Variants in SLC4A5 observed in about 807,000 individuals in gnomAD.
The protein encoded by SLC4A5 is electrogenic sodium bicarbonate cotransporter 4.
In SLC4A5, 96 loss-of-function variants were observed where a neutral mutation model predicts 120.4. The ratio of observed to expected loss-of-function variants is 0.80; its 90% CI spans 0.68 to 0.94. The LOEUF is 0.94. Among genes scored for constraint, SLC4A5 ranks in the 40% least tolerant of loss-of-function variants. SLC4A5 has a pLI of 0.00. For synonymous variants in SLC4A5, 550 were observed against 571.1 expected, an observed-to-expected ratio of 0.96 and a Z score of 0.53; for missense variants, 1,259 against 1,459.5, an observed-to-expected ratio of 0.86 and a Z score of 2.24.
At chr2:74,261,357 G>A (rs1398310729) in intron 11 of SLC4A5, among the ~76,000 whole-genome samples, 1 of 152,198 alleles carries the variant, frequency 6.6e-6, no homozygotes, top group Non-Finnish European at 1.5e-5. Context: ...TGGGTCATCA[G>A]GACAGAGAGA....
chr2:74,254,470 C>T (rs1670895148), intron 14 of SLC4A5, 149 bp downstream of exon 14: 1 of 683,164 alleles, frequency 1.5e-6, no homozygotes, highest in Non-Finnish European at 2.6e-6. Flanking sequence ...TGACTATTCC[C>T]TGATTCTCAT....
At chr2:74,307,308 A>G in intron 6 of SLC4A5, 1 of 544,228 alleles carries the variant, frequency 1.8e-6, no homozygotes. Flanking sequence ...GGGGACATGT[A>G]CCTCCATGGT....
chr2:74,315,059 A>G, intron 5 of SLC4A5, 34 bp from the exon 6 acceptor site: 1 of 1,539,950 alleles, frequency 6.5e-7, no homozygotes, highest in South Asian at 1.1e-5. Context: ...CTCAAAATGT[A>G]TACATTAAAA....
chr2:74,324,986 G>C (rs1444483774), intron 5 of SLC4A5, among the ~76,000 whole-genome samples: 1 of 152,190 alleles, frequency 6.6e-6, no homozygotes, highest in African/African-American at 2.4e-5. Context: ...TAGAGAAACA[G>C]AGTCCAGATA....
At chr2:74,301,201 T>TA (rs1429176627) in intron 7 of SLC4A5, among the ~76,000 whole-genome samples, 3 of 152,214 alleles carry the variant, frequency 2.0e-5, no homozygotes, top group Non-Finnish European at 4.4e-5. Context: ...ACTTTATAGT[T>TA]ATGATTATTA....
chr2:74,265,101 C>T lies in SLC4A5; in HGVS notation c.562+3G>A. 6.2e-7 allele frequency: 1 copy of T among 1,611,928 alleles called. No homozygotes were observed. Among genetic ancestry groups the T allele is most frequent in the Non-Finnish European group, 8.5e-7 (1 of 1,178,540 alleles). On this transcript the variant is annotated splice_donor_region_variant and intron_variant, in intron 9 of 30. Coordinates refer to ENST00000394019, the Ensembl canonical transcript of SLC4A5. ...GAGATGCACACAGTGGCCCCTGCCT[C>T]ACCTATGATCTGTGGTAAGGAGCCA... is the stretch of plus-strand genomic sequence containing the variant.
At chr2:74,233,012 C>T (rs1179872196) in intron 23 of SLC4A5, among the ~76,000 whole-genome samples, 1 of 152,138 alleles carries the variant, frequency 6.6e-6, no homozygotes, top group Non-Finnish European at 1.5e-5. Context: ...GGGGGTGACC[C>T]GAGTCTTCTC....
Position 74,242,063 on chromosome 2 carries a change from G to A in SLC4A5, c.2060-11C>T. On this transcript the variant is annotated splice_polypyrimidine_tract_variant and intron_variant, in intron 19 of 30. Transcript: ENST00000394019. ...ACACGGTTGTATTCACTGTGGATGA[G>A]CACATGACACGGGGCAGGGTCAGCA... The A allele has an allele frequency of 1.2e-6, 2 of 1,602,434 alleles. No individual in the cohort carries two copies. Among genetic ancestry groups the A allele is most frequent in the Non-Finnish European group, 1.7e-6 (2 of 1,172,378 alleles).
chr2:74,218,303 A>C (rs2103854654), exon 31 of SLC4A5: 1 of 152,308 alleles, frequency 6.6e-6, no homozygotes, highest in East Asian at 1.9e-4. Context: ...TATTTGTTTT[A>C]AATATGAATT....
intron 5 of SLC4A5, among the ~76,000 whole-genome samples, chr2:74,327,414 G>A (rs1302659953): frequency 6.6e-6 from 1 of 152,184 alleles, no homozygotes; most frequent in Non-Finnish European, 1.5e-5. Context: ...ACGGGGTCAT[G>A]CTGGGCTTTA....
chr2:74,242,643 C>T (rs1670483827), intron 19 of SLC4A5, among the ~76,000 whole-genome samples: 1 of 152,154 alleles, frequency 6.6e-6, no homozygotes, highest in South Asian at 2.1e-4. Flanking sequence ...AACTTCCCTG[C>T]CCTGTTCACC....
At chr2:74,249,235 G>T (rs769047931) in intron 17 of SLC4A5, among the ~76,000 whole-genome samples, 1 of 152,158 alleles carries the variant, frequency 6.6e-6, no homozygotes, top group Admixed American at 6.5e-5. Flanking sequence ...ATAGGTTTAG[G>T]GTGCCACAGG....
At chr2:74,251,864 A>G (rs1389872495) in intron 16 of SLC4A5, among the ~76,000 whole-genome samples, 2 of 152,228 alleles carry the variant, frequency 1.3e-5, no homozygotes, top group African/African-American at 4.8e-5. Flanking sequence ...CCAGAACTGC[A>G]GGAGAGTAAC....
chr2:74,252,854 T>C (rs369087204), intron 15 of SLC4A5, 120 bp downstream of exon 15: 3 of 1,225,186 alleles, frequency 2.4e-6, no homozygotes, highest in East Asian at 2.4e-5. Context: ...TCCCAAAGTG[T>C]TGAGATTACA....
At chr2:74,287,034 T>G (rs1672006275) in intron 7 of SLC4A5, among the ~76,000 whole-genome samples, 1 of 151,976 alleles carries the variant, frequency 6.6e-6, no homozygotes, top group African/African-American at 2.4e-5. Flanking sequence ...ATCTTCACAC[T>G]CATATTGAAA....
Position 74,247,016 on chromosome 2 carries a change from T to C in SLC4A5, c.2059+20A>G, listed in dbSNP as rs2103971653. ...GTGGGGTAGGTGAGGGCCCACGGCA[T>C]GTCTGGGGTTACCGGTCACCTGTGT... On this transcript the variant is annotated intron_variant, in intron 19 of 30. Transcript: ENST00000394019. 3 of 1,611,618 alleles carry C rather than the reference T, an allele frequency of 1.9e-6. No individual in the cohort carries two copies.
At chr2:74,335,357 G>A (rs1319751623) in intron 3 of SLC4A5, among the ~76,000 whole-genome samples, 1 of 152,224 alleles carries the variant, frequency 6.6e-6, no homozygotes, top group Non-Finnish European at 1.5e-5. Context: ...CAGAGGAAAT[G>A]TGGGTACCTA....
chr2:74,232,975 TA>T (rs1408607763), intron 23 of SLC4A5, among the ~76,000 whole-genome samples: 2 of 152,082 alleles, frequency 1.3e-5, no homozygotes, highest in Non-Finnish European at 1.5e-5. Flanking sequence ...AGGCCACACC[TA>T]AAGTGGTCCA....
chr2:74,237,698 A>T (rs963499224), intron 21 of SLC4A5, among the ~76,000 whole-genome samples: 6 of 152,142 alleles, frequency 3.9e-5, no homozygotes, highest in Non-Finnish European at 5.9e-5. Context: ...GAGTTGCTTA[A>T]ATTCTTCCGA....
Sources: gnomAD v4.1 joint callset for allele counts (sites outside exome capture counted in the v4.1 genomes callset) on GRCh38, gnomAD v4.1.1 for gene constraint, MANE v1.5 for transcripts, NCBI Gene and HGNC (gene_info 2026-07-23, HGNC 2026-07-21) for gene names.